The following RBM33 variants were observed in gnomAD, a reference collection of about 807,000 sequenced individuals.
The protein encoded by RBM33 is RNA binding motif protein 33.
A neutral mutation model predicts 132.6 loss-of-function variants in RBM33; 28 were observed. The ratio of observed to expected loss-of-function variants is 0.21; its 90% CI spans 0.16 to 0.29. RBM33 has a LOEUF of 0.29. Among genes scored for constraint, RBM33 ranks in the 10% least tolerant of loss-of-function variants. The pLI is 1.00. For missense variants in RBM33, 1,291 were observed against 1,518.5 expected (o/e 0.85, Z 2.49); for synonymous variants, 634 against 593.0 (o/e 1.07, Z -1.01).
rs1373071430 is a variant in RBM33 at position 155,739,581 on chromosome 7, G to A, written c.1738-134G>A. On this transcript the variant is annotated intron_variant, in intron 11 of 17. Coordinates refer to ENST00000401878, the MANE Select transcript of RBM33 (RefSeq NM_053043.3). Reference sequence around the variant, plus strand: ...ATTTTAGATAGTATTACCTTCATCAGCAAGTCTAAAATGAAGTTTTGGTAT... The same window carrying A: ...ATTTTAGATAGTATTACCTTCATCAACAAGTCTAAAATGAAGTTTTGGTAT... The A allele has an allele frequency of 3.2e-6, 3 of 929,578 alleles. No homozygotes were observed. The Admixed American group carries it at 8.7e-5, about 27-fold the overall frequency. The allele number at this position is 929,578 out of a possible 1,614,324, so 57.6% of individuals were successfully genotyped here. A position where few individuals can be genotyped will look rare whatever the true frequency, so the allele number is the denominator to read the frequency against.
Position 155,774,966 on chromosome 7 carries a change from G to A in RBM33, c.3465-27G>A. The A allele has an allele frequency of 6.2e-7, 1 of 1,611,742 alleles. No homozygotes were observed. On this transcript the variant is annotated intron_variant, in intron 17 of 17. Transcript: ENST00000401878. This position sits in a 1 kb window ranked among gnomAD's most constrained non-coding sequence, Gnocchi z 4.2. ...TTGATTGCCGATGTGCAGGGTTAGT[G>A]TCGATCGTTTCTTTAAATTTTCACA...
chr7:155,764,612 C>T (rs11768682), intron 15 of RBM33, among the ~76,000 whole-genome samples: 10,381 of 152,290 alleles, frequency 0.068, 568 homozygotes, highest in African/African-American at 0.15. Flanking sequence ...CATCCTGTCA[C>T]GTACGCAAGT....
In RBM33 at chr7:155,774,987, T is replaced by G; in HGVS notation, c.3465-6T>G. On this transcript the variant is annotated splice_region_variant and splice_polypyrimidine_tract_variant and intron_variant, in intron 17 of 17. Transcript: ENST00000401878. This position sits in a 1 kb window ranked among gnomAD's most constrained non-coding sequence, Gnocchi z 4.2. ...TAGTGTCGATCGTTTCTTTAAATTTTCACAGGCATATGATAGATTTGTCCC... is the reference window on the plus strand; with the variant it reads ...TAGTGTCGATCGTTTCTTTAAATTTGCACAGGCATATGATAGATTTGTCCC... 1 of 1,613,834 alleles carries G rather than the reference T, an allele frequency of 6.2e-7. No individual in the cohort carries two copies. The highest frequency in any genetic ancestry group is 8.5e-7 in the Non-Finnish European group (1 of 1,179,714).
chr7:155,732,223 TAAG>T, intron 9 of RBM33, among the ~76,000 whole-genome samples: 1 of 152,366 alleles, frequency 6.6e-6, no homozygotes, highest in East Asian at 1.9e-4. Flanking sequence ...ACTGATACAT[TAAG>T]CTTTGCTTTA....
intron 16 of RBM33, among the ~76,000 whole-genome samples, chr7:155,768,024 C>T (rs1471161802): frequency 2.6e-5 from 4 of 152,178 alleles, no homozygotes; most frequent in South Asian, 2.1e-4. Context: ...GTGCGCTTGG[C>T]GAGGCCTCAC....
intron 1 of RBM33, among the ~76,000 whole-genome samples, chr7:155,658,426 C>T (rs548588925): frequency 1.3e-3 from 172 of 131,404 alleles, no homozygotes; most frequent in Non-Finnish European, 2.3e-3. Flanking sequence ...GTCTCTCTGT[C>T]GCCCAGGCTG....
chr7:155,770,594 CTTTT>C (rs34251346), intron 16 of RBM33, among the ~76,000 whole-genome samples: 23 of 136,262 alleles, frequency 1.7e-4, no homozygotes, highest in African/African-American at 3.5e-4. Context: ...CAGCTGATAC[CTTTT>C]TTTTTTTTTT....
chr7:155,748,820 AAAG>A (rs1201709716), intron 14 of RBM33, among the ~76,000 whole-genome samples: 1 of 151,940 alleles, frequency 6.6e-6, no homozygotes, highest in Non-Finnish European at 1.5e-5. Context: ...ACATTTTCGA[AAAG>A]AGATGAGCAG....
chr7:155,759,868 C>G (rs1801977523), intron 14 of RBM33, among the ~76,000 whole-genome samples: 1 of 152,188 alleles, frequency 6.6e-6, no homozygotes, highest in Admixed American at 6.5e-5. Flanking sequence ...CCGGCCAGAG[C>G]ATTCGTCTTG....
chr7:155,735,223 GT>G (rs1264544166), intron 9 of RBM33, among the ~76,000 whole-genome samples: 3 of 152,288 alleles, frequency 2.0e-5, no homozygotes, highest in African/African-American at 4.8e-5. Flanking sequence ...CACACCATGT[GT>G]TTCATTGACT....
chr7:155,700,486 G>A (rs1023592049), intron 5 of RBM33, among the ~76,000 whole-genome samples: 2 of 148,436 alleles, frequency 1.3e-5, no homozygotes, highest in Non-Finnish European at 3.0e-5. Flanking sequence ...TTTATTTTCA[G>A]ACGTGTAAGC....
chr7:155,669,360 GTTTGTT>G (rs987199771), intron 2 of RBM33, among the ~76,000 whole-genome samples: 3 of 152,174 alleles, frequency 2.0e-5, no homozygotes, highest in East Asian at 3.9e-4. Context: ...AAAAGTTTTT[GTTTGTT>G]TTTGTTTTTG....
intron 16 of RBM33, among the ~76,000 whole-genome samples, chr7:155,768,025 G>A (rs1563183620): frequency 2.0e-5 from 3 of 152,184 alleles, no homozygotes; most frequent in Admixed American, 6.5e-5. Context: ...TGCGCTTGGC[G>A]AGGCCTCACG....
chr7:155,686,882 A>T (rs1001886785), intron 5 of RBM33, among the ~76,000 whole-genome samples: 5 of 152,120 alleles, frequency 3.3e-5, no homozygotes, highest in African/African-American at 4.8e-5. Context: ...TCTATCATTG[A>T]TGGACATTTG....
chr7:155,668,132 A>G (rs897902279), intron 2 of RBM33, among the ~76,000 whole-genome samples: 1 of 152,272 alleles, frequency 6.6e-6, no homozygotes, highest in African/African-American at 2.4e-5. Context: ...GTGTGTGTCT[A>G]TGTATACGTA....
chr7:155,663,489 A>G (rs1039166348), intron 1 of RBM33, among the ~76,000 whole-genome samples: 1 of 152,030 alleles, frequency 6.6e-6, no homozygotes, highest in Non-Finnish European at 1.5e-5. Context: ...GGGGTGCCAC[A>G]CTTTACAACA....
intron 1 of RBM33, among the ~76,000 whole-genome samples, chr7:155,649,134 T>C (rs1406651640): frequency 1.3e-5 from 2 of 152,194 alleles, no homozygotes; most frequent in African/African-American, 4.8e-5. Context: ...ATGCATAGAT[T>C]GGTACTTTTA....
At chr7:155,704,336 C>T (rs906039057) in intron 6 of RBM33, among the ~76,000 whole-genome samples, 1 of 152,108 alleles carries the variant, frequency 6.6e-6, no homozygotes, top group Non-Finnish European at 1.5e-5. Flanking sequence ...TGACAGTGTT[C>T]TCGGTTTTCC....
chr7:155,658,499 C>G (rs1336084585), intron 1 of RBM33, among the ~76,000 whole-genome samples: 2 of 150,458 alleles, frequency 1.3e-5, no homozygotes, highest in Non-Finnish European at 2.9e-5. Context: ...CCGCGGGGTT[C>G]AAGTGATTCT....
Sources: allele counts gnomAD v4.1 joint callset (sites outside exome capture counted in the v4.1 genomes callset), GRCh38; gene constraint gnomAD v4.1.1; non-coding constraint Gnocchi (gnomAD v3.1); transcripts MANE v1.5; gene names NCBI Gene and HGNC (gene_info 2026-07-23, HGNC 2026-07-21).